Variants in EMCN observed in about 807,000 individuals in gnomAD.
EMCN encodes endomucin.
Under a neutral mutation model 38.4 loss-of-function variants are expected in EMCN, and 37 were observed. That is an observed-to-expected ratio of 0.96 (90% CI 0.74 to 1.27). The LOEUF (loss-of-function observed/expected upper bound fraction) is 1.27. Ranked by LOEUF, EMCN falls within the 50% of genes most tolerant of loss-of-function variation. EMCN has a pLI of 0.00. For missense variants in EMCN, 318 were observed against 302.8 expected (o/e 1.05, Z -0.37); for synonymous variants, 95 against 100.8 (o/e 0.94, Z 0.35).
intron 11 of EMCN, among the ~76,000 whole-genome samples, chr4:100,408,120 G>T (rs1366381800): frequency 6.6e-6 from 1 of 152,100 alleles, no homozygotes; most frequent in Non-Finnish European, 1.5e-5. Context: ...TTCATTCCTT[G>T]TATGGTTTTG....
intron 5 of EMCN, among the ~76,000 whole-genome samples, chr4:100,440,430 A>G (rs192033295): frequency 6.6e-6 from 1 of 152,126 alleles, no homozygotes; most frequent in Admixed American, 6.5e-5. Flanking sequence ...TTATTATATC[A>G]TTCTGTATGC....
intron 3 of EMCN, among the ~76,000 whole-genome samples, chr4:100,470,313 C>A (rs357664): frequency 0.83 from 125,959 of 151,268 alleles, 53,433 homozygotes; most frequent in South Asian, 0.96. Context: ...TTATTAGAGA[C>A]ATGCAAATCA....
chr4:100,403,249 G>A (rs1262283057), intron 11 of EMCN, among the ~76,000 whole-genome samples: 1 of 152,038 alleles, frequency 6.6e-6, no homozygotes. Flanking sequence ...TCCCCGCTTT[G>A]TGCCTTTAGT....
At chr4:100,514,081 C>G (rs933388471) in intron 1 of EMCN, among the ~76,000 whole-genome samples, 1 of 152,058 alleles carries the variant, frequency 6.6e-6, no homozygotes, top group African/African-American at 2.4e-5. Flanking sequence ...TATTTGGATT[C>G]AGGACTAAAG....
intron 4 of EMCN, among the ~76,000 whole-genome samples, chr4:100,459,903 C>T (rs1329853350): frequency 6.6e-6 from 1 of 152,008 alleles, no homozygotes; most frequent in Non-Finnish European, 1.5e-5. Flanking sequence ...ATTAAATATC[C>T]CTTTGACACA....
At chr4:100,483,841 T>G (rs1043408832) in intron 1 of EMCN, among the ~76,000 whole-genome samples, 3 of 152,156 alleles carry the variant, frequency 2.0e-5, no homozygotes, top group South Asian at 2.1e-4. Context: ...TTGAGAGGAA[T>G]AGCTTATTCT....
At chr4:100,511,572 C>T (rs1729625503) in intron 1 of EMCN, among the ~76,000 whole-genome samples, 1 of 152,046 alleles carries the variant, frequency 6.6e-6, no homozygotes, top group Non-Finnish European at 1.5e-5. Flanking sequence ...TGCAAACAGG[C>T]AAATAATTGC....
intron 5 of EMCN, among the ~76,000 whole-genome samples, chr4:100,433,579 A>C (rs1727263784): frequency 6.6e-6 from 1 of 151,596 alleles, no homozygotes; most frequent in East Asian, 2.0e-4. Context: ...TCTGTCATCC[A>C]GGCTGGAGTG....
intron 8 of EMCN, among the ~76,000 whole-genome samples, chr4:100,418,786 T>A (rs773711432): frequency 6.6e-6 from 1 of 152,148 alleles, no homozygotes; most frequent in African/African-American, 2.4e-5. Flanking sequence ...TATCTATTCA[T>A]CTGCTGATGG....
intron 4 of EMCN, among the ~76,000 whole-genome samples, chr4:100,448,434 G>A (rs546966879): frequency 2.0e-5 from 3 of 152,036 alleles, no homozygotes; most frequent in South Asian, 2.1e-4. Flanking sequence ...TGTCTCTTCC[G>A]TTGCTTTCTT....
intron 1 of EMCN, among the ~76,000 whole-genome samples, chr4:100,503,858 A>G (rs1399990965): frequency 3.9e-5 from 6 of 152,258 alleles, no homozygotes. Context: ...CAGAGAAAAT[A>G]CACATTCAGA....
At chr4:100,474,957 T>G in intron 3 of EMCN, 81 bp downstream of exon 3, 1 of 625,992 alleles carries the variant, frequency 1.6e-6, no homozygotes, top group Non-Finnish European at 2.5e-6. Flanking sequence ...AACTTCTGAA[T>G]TGTACACTTT....
chr4:100,507,982 A>T (rs1041960237), intron 1 of EMCN, among the ~76,000 whole-genome samples: 1 of 152,210 alleles, frequency 6.6e-6, no homozygotes, highest in African/African-American at 2.4e-5. Flanking sequence ...TCTCTAAAGG[A>T]AGTAAACATT....
intron 1 of EMCN, among the ~76,000 whole-genome samples, chr4:100,480,779 A>G (rs1050791779): frequency 1.3e-5 from 2 of 151,982 alleles, no homozygotes; most frequent in Non-Finnish European, 2.9e-5. Context: ...TCCATATTAT[A>G]TATTTCTTTT....
intron 7 of EMCN, among the ~76,000 whole-genome samples, chr4:100,422,092 G>T (rs1424941167): frequency 2.0e-5 from 3 of 151,902 alleles, no homozygotes; most frequent in Non-Finnish European, 4.4e-5. Flanking sequence ...CAAGAGAGCT[G>T]TCATAGACAC....
At position 100,489,926 on chromosome 4, in the gene EMCN, G is replaced by C. The variant is rs182251438; in HGVS notation, c.65-9887C>G. Among the ~76,000 whole-genome samples the C allele has an allele frequency of 7.9e-3, 1,202 of 152,226 alleles. 73 individuals carry two copies. Among genetic ancestry groups the C allele is most frequent in the Admixed American group, 0.07 (1,072 of 15,282 alleles). On this transcript the variant is annotated intron_variant, in intron 1 of 11. Transcript: ENST00000296420. The stretch of plus-strand genomic sequence containing the variant: ...GCATTACTTTATTATCATTATTTTA[G>C]AGTGTACATCTATTTATTTAAAAAA...
chr4:100,485,050 A>T (rs1410271903), intron 1 of EMCN, among the ~76,000 whole-genome samples: 1 of 152,174 alleles, frequency 6.6e-6, no homozygotes, highest in African/African-American at 2.4e-5. Context: ...ACTCTTAAAG[A>T]AAATGATTTC....
intron 5 of EMCN, among the ~76,000 whole-genome samples, chr4:100,436,922 C>A (rs1230636267): frequency 1.3e-5 from 2 of 152,050 alleles, no homozygotes; most frequent in African/African-American, 4.8e-5. Context: ...GGATGCTGGG[C>A]TTAATATCTA....
intron 5 of EMCN, among the ~76,000 whole-genome samples, chr4:100,436,970 C>T (rs185332818): frequency 3.9e-4 from 60 of 152,246 alleles, no homozygotes; most frequent in African/African-American, 1.4e-3. Context: ...CATCACGGCA[C>T]ACGTTTATCT....
Sources: gnomAD v4.1 joint callset for allele counts (sites outside exome capture counted in the v4.1 genomes callset) on GRCh38, gnomAD v4.1.1 for gene constraint, MANE v1.5 for transcripts, NCBI Gene and HGNC (gene_info 2026-07-23, HGNC 2026-07-21) for gene names.